Variants in ERBB4 observed in about 807,000 individuals in gnomAD.
ERBB4 encodes receptor tyrosine-protein kinase erbB-4.
Under a neutral mutation model 158.0 loss-of-function variants are expected in ERBB4, and 42 were observed. That is an observed-to-expected ratio of 0.27 (90% CI 0.21 to 0.34). The LOEUF (loss-of-function observed/expected upper bound fraction) is 0.34, where lower values mean the gene tolerates loss of function less well. Among genes scored for constraint, ERBB4 ranks in the 10% least tolerant of loss-of-function variants. The pLI is 1.00. For synonymous variants in ERBB4, 583 were observed against 558.7 expected (o/e 1.04, Z -0.61); for missense variants, 1,333 against 1,624.1 (o/e 0.82, Z 3.08).
chr2:212,337,851 T>C (rs2088518380), intron 1 of ERBB4, among the ~76,000 whole-genome samples: 1 of 145,950 alleles, frequency 6.9e-6, no homozygotes, highest in African/African-American at 2.5e-5. Context: ...TTGCTCCCTT[T>C]GTTTGGGTCT....
At chr2:212,341,906 A>G (rs1469105573) in intron 1 of ERBB4, among the ~76,000 whole-genome samples, 1 of 152,150 alleles carries the variant, frequency 6.6e-6, no homozygotes, top group Non-Finnish European at 1.5e-5. Flanking sequence ...CTGTTATTAA[A>G]TAATCAAGAT....
At chr2:212,109,249 C>A (rs548837808) in intron 2 of ERBB4, among the ~76,000 whole-genome samples, 1 of 152,228 alleles carries the variant, frequency 6.6e-6, no homozygotes, top group East Asian at 1.9e-4. Context: ...GAGTTCCGGT[C>A]CATTTTCCCA....
Position 211,673,272 on chromosome 2 carries a change from G to C in ERBB4, c.1623-15C>G. 1 of 1,585,232 alleles carries C rather than the reference G, an allele frequency of 6.3e-7. No homozygotes were observed. Among genetic ancestry groups the C allele is most frequent in the South Asian group, 1.1e-5 (1 of 90,554 alleles). On this transcript the variant is annotated splice_polypyrimidine_tract_variant and intron_variant, in intron 13 of 27. Transcript: ENST00000342788. ...CCCGAAATTCACTGTGAAAACATCA[G>C]CCACATGAGGAGGTGTAAGCAAACA... is the stretch of plus-strand genomic sequence containing the variant.
At chr2:211,474,417 G>A (rs1156598821) in intron 20 of ERBB4, among the ~76,000 whole-genome samples, 3 of 151,866 alleles carry the variant, frequency 2.0e-5, no homozygotes, top group African/African-American at 4.8e-5. Flanking sequence ...GTATAGCCAG[G>A]ATTTCGTGTA....
At chr2:211,808,139 C>G (rs2076662565) in intron 3 of ERBB4, among the ~76,000 whole-genome samples, 3 of 152,148 alleles carry the variant, frequency 2.0e-5, no homozygotes, top group African/African-American at 7.2e-5. Context: ...AATTAGATCC[C>G]ATTTGTCAAT....
intron 2 of ERBB4, among the ~76,000 whole-genome samples, chr2:212,029,279 A>G (rs1186616004): frequency 2.0e-5 from 3 of 151,996 alleles, no homozygotes; most frequent in Non-Finnish European, 4.4e-5. Context: ...CTCTTCAATA[A>G]AGCTGTTTTC....
intron 1 of ERBB4, among the ~76,000 whole-genome samples, chr2:212,332,397 T>C (rs2088221164): frequency 6.6e-6 from 1 of 152,078 alleles, no homozygotes; most frequent in Non-Finnish European, 1.5e-5. Context: ...GGGTATGTCT[T>C]TAGCAGCAGC....
intron 3 of ERBB4, among the ~76,000 whole-genome samples, chr2:211,898,876 T>C (rs2079163210): frequency 6.6e-6 from 1 of 152,114 alleles, no homozygotes; most frequent in Admixed American, 6.6e-5. Context: ...GTTACAAAAG[T>C]TCACAGCTGT....
intron 1 of ERBB4, among the ~76,000 whole-genome samples, chr2:212,214,182 G>A (rs1308707125): frequency 6.6e-6 from 1 of 151,796 alleles, no homozygotes; most frequent in African/African-American, 2.4e-5. Flanking sequence ...ATTTTTTAAA[G>A]CTACTTAATA....
chr2:211,843,738 A>C (rs1276955275), intron 3 of ERBB4, among the ~76,000 whole-genome samples: 1 of 151,874 alleles, frequency 6.6e-6, no homozygotes, highest in Non-Finnish European at 1.5e-5. Context: ...TGTTTTAACT[A>C]CCAAGAAAAG....
chr2:211,862,944 C>A (rs866399717), intron 3 of ERBB4, among the ~76,000 whole-genome samples: 1 of 152,092 alleles, frequency 6.6e-6, no homozygotes, highest in Non-Finnish European at 1.5e-5. Context: ...CACCAATCAG[C>A]ACTCTTTAAA....
At chr2:211,750,223 G>A (rs1398110367) in intron 5 of ERBB4, among the ~76,000 whole-genome samples, 1 of 152,124 alleles carries the variant, frequency 6.6e-6, no homozygotes, top group African/African-American at 2.4e-5. Flanking sequence ...AATACAGTGG[G>A]TACATAGTAC....
At chr2:212,337,724 AG>A (rs2088511467) in intron 1 of ERBB4, among the ~76,000 whole-genome samples, 2 of 152,220 alleles carry the variant, frequency 1.3e-5, no homozygotes, top group Non-Finnish European at 2.9e-5. Flanking sequence ...ACCTTAAGCA[AG>A]AAGTTTCAAC....
intron 20 of ERBB4, among the ~76,000 whole-genome samples, chr2:211,497,322 G>A (rs555057583): frequency 2.6e-4 from 40 of 152,068 alleles, no homozygotes; most frequent in Non-Finnish European, 5.4e-4. Flanking sequence ...GTGGCAAAGT[G>A]TAACATTTTG....
At chr2:212,413,114 C>G (rs2106492949) in intron 1 of ERBB4, among the ~76,000 whole-genome samples, 1 of 150,222 alleles carries the variant, frequency 6.7e-6, no homozygotes, top group South Asian at 2.1e-4. Flanking sequence ...ATTACAGGCA[C>G]ACACCACCAT....
At chr2:212,151,862 T>C (rs1036514591) in intron 1 of ERBB4, among the ~76,000 whole-genome samples, 5 of 151,582 alleles carry the variant, frequency 3.3e-5, no homozygotes, top group East Asian at 1.9e-4. Context: ...GCACTCCAGC[T>C]AAAAAATATT....
chr2:212,048,664 G>T (rs2077319413), intron 2 of ERBB4, among the ~76,000 whole-genome samples: 1 of 152,126 alleles, frequency 6.6e-6, no homozygotes, highest in South Asian at 2.1e-4. Context: ...TTTTGACTTT[G>T]TAAAGTTTGA....
At chr2:212,397,245 C>T (rs932815541) in intron 1 of ERBB4, among the ~76,000 whole-genome samples, 4 of 151,914 alleles carry the variant, frequency 2.6e-5, no homozygotes, top group African/African-American at 7.3e-5. Flanking sequence ...GAGACTGAGG[C>T]GGGAGGATCA....
rs2085827621 is a variant in ERBB4 at position 212,283,265 on chromosome 2, C to A, written c.83-158362G>T. 2.0e-5 allele frequency among the ~76,000 whole-genome samples: 3 copies of A among 151,848 alleles called. No individual in the cohort carries two copies. In the South Asian group the frequency reaches 6.2e-4, roughly 32 times the overall value. ...GTTTAATTACTCAATATAACACTTG[C>A]CATTTAAAAATCCGTATGCCCATCA... On this transcript the variant is annotated intron_variant, in intron 1 of 27. Transcript: ENST00000342788.
Sources: gnomAD v4.1 joint callset for allele counts (sites outside exome capture counted in the v4.1 genomes callset) on GRCh38, gnomAD v4.1.1 for gene constraint, MANE v1.5 for transcripts, NCBI Gene and HGNC (gene_info 2026-07-23, HGNC 2026-07-21) for gene names.